NEDD4L: variants seen among roughly 807,000 people sequenced by gnomAD.
NEDD4L encodes the protein E3 ubiquitin-protein ligase NEDD4-like.
In NEDD4L, 54 loss-of-function variants were observed where a neutral mutation model predicts 148.9. That is an observed-to-expected ratio of 0.36 (90% confidence interval 0.29 to 0.45). NEDD4L has a LOEUF of 0.45. Ranked by LOEUF, NEDD4L falls within the 20% of genes least tolerant of loss-of-function variation. The pLI, the probability that NEDD4L is intolerant of heterozygous loss-of-function variation, is 1.00. For missense variants in NEDD4L, 856 were observed against 1,233.8 expected (o/e 0.69, Z 4.59); for synonymous variants, 433 against 440.7 (o/e 0.98, Z 0.22).
intron 8 of NEDD4L, 50 bp downstream of exon 8, chr18:58,323,384 GT>G: frequency 1.0e-6 from 1 of 974,696 alleles, no homozygotes. Context: ...TCATATTCAT[GT>G]TTTGCTTTCA....
At chr18:58,077,743 C>A (rs1002733827) in intron 1 of NEDD4L, among the ~76,000 whole-genome samples, 16 of 152,156 alleles carry the variant, frequency 1.1e-4, no homozygotes, top group African/African-American at 3.9e-4. Flanking sequence ...ACCTAAAATG[C>A]AGAGGTGGGC....
chr18:58,273,149 T>C (rs1404387920), intron 5 of NEDD4L, among the ~76,000 whole-genome samples: 3 of 151,830 alleles, frequency 2.0e-5, no homozygotes, highest in Non-Finnish European at 4.4e-5. Context: ...TCCAAGTGAG[T>C]GGAGGAGACA....
At chr18:58,127,252 C>T (rs947272123) in intron 1 of NEDD4L, among the ~76,000 whole-genome samples, 6 of 152,180 alleles carry the variant, frequency 3.9e-5, no homozygotes, top group Non-Finnish European at 8.8e-5. Context: ...GTAGGTGCTC[C>T]GTAGACACAT....
chr18:58,185,750 G>A (rs556316510), intron 2 of NEDD4L, among the ~76,000 whole-genome samples: 1 of 152,172 alleles, frequency 6.6e-6, no homozygotes, highest in East Asian at 1.9e-4. Flanking sequence ...GTGCATGCCT[G>A]TAATCCCAGC....
intron 5 of NEDD4L, among the ~76,000 whole-genome samples, chr18:58,277,663 T>C (rs1422721054): frequency 1.3e-5 from 2 of 152,184 alleles, no homozygotes; most frequent in East Asian, 3.8e-4. Flanking sequence ...CTGCAGACAT[T>C]GACCTGAAAT....
intron 1 of NEDD4L, among the ~76,000 whole-genome samples, chr18:58,128,425 G>C (rs1334549545): frequency 6.6e-6 from 1 of 152,196 alleles, no homozygotes; most frequent in East Asian, 1.9e-4. Context: ...GATGGGGCTG[G>C]CTGGGAATTG....
At chr18:58,261,684 A>G (rs544881264) in intron 5 of NEDD4L, among the ~76,000 whole-genome samples, 2 of 152,332 alleles carry the variant, frequency 1.3e-5, no homozygotes, top group African/African-American at 4.8e-5. Context: ...AATGTTGGAT[A>G]GTTGAATGGT....
chr18:58,380,422 G>A (rs558815721), intron 24 of NEDD4L, among the ~76,000 whole-genome samples: 9 of 151,802 alleles, frequency 5.9e-5, no homozygotes, highest in Non-Finnish European at 1.3e-4. Context: ...GGGTTCAAGC[G>A]ATTCTCCTGC....
At chr18:58,148,163 C>CTTTTTTTTTTTTTTTTTTTTTT (rs58114617) in intron 1 of NEDD4L, among the ~76,000 whole-genome samples, 2 of 141,922 alleles carry the variant, frequency 1.4e-5, no homozygotes, top group Non-Finnish European at 1.5e-5. Flanking sequence ...CCACACTGTT[C>CTTTTTTTTTTTTTTTTTTTTTT]TTTTTTTTTT....
At chr18:58,103,916 T>G (rs1055111715) in intron 1 of NEDD4L, among the ~76,000 whole-genome samples, 5 of 152,126 alleles carry the variant, frequency 3.3e-5, no homozygotes, top group African/African-American at 1.2e-4. Context: ...CAAACAAATT[T>G]CACATTAAAG....
chr18:58,248,251 T>C (rs113731618), intron 3 of NEDD4L, among the ~76,000 whole-genome samples: 83 of 152,348 alleles, frequency 5.4e-4, no homozygotes, highest in African/African-American at 1.8e-3. Context: ...GACAAAGGTA[T>C]CCTTGCCATC....
chr18:58,130,118 C>T (rs2031832701), intron 1 of NEDD4L, among the ~76,000 whole-genome samples: 1 of 133,540 alleles, frequency 7.5e-6, no homozygotes, highest in Non-Finnish European at 1.6e-5. Context: ...GTTTGGTTGA[C>T]TGTGATCTAG....
chr18:58,400,996 G>A lies in NEDD4L; in HGVS notation c.*4727G>A, dbSNP rs1042160583. On this transcript the variant is annotated 3_prime_UTR_variant, in exon 31 of 31. Coordinates refer to ENST00000400345, the MANE Select transcript of NEDD4L (RefSeq NM_001144967.3). The stretch of plus-strand genomic sequence containing the variant: ...TTGAGTAATCTGGTTTCGAAAGGAG[G>A]TGAGAGTTTAGTCCCTTCTGCAGTT... 6.6e-6 allele frequency: 1 copy of A among 152,232 alleles called. No homozygotes were observed. The highest frequency in any genetic ancestry group is 3.4e-3 in the Middle Eastern group (1 of 294). The allele number at this position is 152,232 out of a possible 1,614,324, so 9.4% of individuals were successfully genotyped here.
At chr18:58,187,174 C>A (rs935645028) in intron 2 of NEDD4L, among the ~76,000 whole-genome samples, 1 of 152,152 alleles carries the variant, frequency 6.6e-6, no homozygotes, top group African/African-American at 2.4e-5. Flanking sequence ...CCTTTGTCTC[C>A]GTGGCTTCCA....
In NEDD4L at chr18:58,286,596, T is replaced by TA. The variant is rs571877483; in HGVS notation, c.298-29379dup. On this transcript the variant is annotated intron_variant, in intron 5 of 30. Coordinates refer to ENST00000400345, the MANE Select transcript of NEDD4L (RefSeq NM_001144967.3). ...ATGTTGATAAAATGGCCCTTACCAG[T>TA]AAAAAAACTGTTTCAGAATGTGTAA... Among the ~76,000 whole-genome samples the TA allele has an allele frequency of 2.4e-3, 369 of 152,198 alleles. 2 individuals carry two copies. The highest frequency in any genetic ancestry group is 1.8e-3 in the Non-Finnish European group (122 of 68,016).
chr18:58,155,707 G>A (rs1482168320), intron 1 of NEDD4L, among the ~76,000 whole-genome samples: 1 of 152,222 alleles, frequency 6.6e-6, no homozygotes, highest in East Asian at 1.9e-4. Flanking sequence ...GTATGCAGGT[G>A]CCTGGTAGAT....
intron 1 of NEDD4L, among the ~76,000 whole-genome samples, chr18:58,162,185 C>A (rs893800572): frequency 1.3e-5 from 2 of 152,146 alleles, no homozygotes; most frequent in African/African-American, 4.8e-5. Context: ...GTGGTTCTTT[C>A]AAAGACTGAA....
chr18:58,063,883 G>T (rs2082459510), intron 1 of NEDD4L, among the ~76,000 whole-genome samples: 1 of 150,138 alleles, frequency 6.7e-6, no homozygotes, highest in Admixed American at 6.7e-5. Context: ...CTTCGGTAAG[G>T]TAGAACCCCT....
At chr18:58,379,194 C>G (rs2047994187) in intron 24 of NEDD4L, among the ~76,000 whole-genome samples, 1 of 152,210 alleles carries the variant, frequency 6.6e-6, no homozygotes, top group South Asian at 2.1e-4. Context: ...GAGCAGGGCC[C>G]CTGGGTGCCA....
Sources: allele counts gnomAD v4.1 joint callset (sites outside exome capture counted in the v4.1 genomes callset), GRCh38; gene constraint gnomAD v4.1.1; transcripts MANE v1.5; gene names NCBI Gene and HGNC (gene_info 2026-07-23, HGNC 2026-07-21).